Variants in CFAP54 observed in about 807,000 individuals in gnomAD.
The protein encoded by CFAP54 is cilia and flagella associated protein 54, also known as cilia- and flagella-associated protein 54.
Under a neutral mutation model 370.4 loss-of-function variants are expected in CFAP54, and 290 were observed. The ratio of observed to expected loss-of-function variants is 0.78; its 90% CI spans 0.71 to 0.86. CFAP54 has a LOEUF of 0.86. Ranked by LOEUF, CFAP54 falls within the 40% of genes least tolerant of loss-of-function variation. CFAP54 has a pLI of 0.00. For synonymous variants in CFAP54, 1,206 were observed against 1,236.5 expected (o/e 0.98, Z 0.52); for missense variants, 3,399 against 3,528.7 (o/e 0.96, Z 0.93).
At chr12:96,565,935 T>C (rs1435093365) in intron 19 of CFAP54, among the ~76,000 whole-genome samples, 2 of 152,168 alleles carry the variant, frequency 1.3e-5, no homozygotes, top group Admixed American at 6.6e-5. Context: ...GGGGGAGGTT[T>C]CCTCCATCCT....
At chr12:96,566,434 G>A (rs1393239529) in intron 19 of CFAP54, among the ~76,000 whole-genome samples, 2 of 152,146 alleles carry the variant, frequency 1.3e-5, no homozygotes, top group African/African-American at 2.4e-5. Flanking sequence ...TCCTGATGTG[G>A]TGTTCTTAAT....
At chr12:96,507,385 G>A (rs1032326268) in intron 4 of CFAP54, among the ~76,000 whole-genome samples, 4 of 151,954 alleles carry the variant, frequency 2.6e-5, no homozygotes, top group Admixed American at 2.6e-4. Flanking sequence ...GATGGAGAAG[G>A]GTCAAAGAAC....
chr12:96,545,784 T>C (rs1178526258), intron 14 of CFAP54, among the ~76,000 whole-genome samples: 1 of 152,178 alleles, frequency 6.6e-6, no homozygotes, highest in Non-Finnish European at 1.5e-5. Flanking sequence ...ATCCATCCAG[T>C]CATCAATTAT....
chr12:96,721,261 G>A (rs184134115), intron 50 of CFAP54, among the ~76,000 whole-genome samples: 2 of 152,200 alleles, frequency 1.3e-5, no homozygotes, highest in East Asian at 3.9e-4. Flanking sequence ...GTAAGTTTCT[G>A]CATCATATTG....
intron 50 of CFAP54, among the ~76,000 whole-genome samples, chr12:96,732,981 G>A (rs1182423936): frequency 3.9e-5 from 6 of 152,110 alleles, no homozygotes; most frequent in Non-Finnish European, 7.4e-5. Context: ...AAGGATATGA[G>A]TGGTTTTTAT....
intron 32 of CFAP54, among the ~76,000 whole-genome samples, chr12:96,642,496 C>T (rs191286013): frequency 6.6e-6 from 1 of 152,058 alleles, no homozygotes; most frequent in Non-Finnish European, 1.5e-5. Flanking sequence ...CTCTGTATCT[C>T]TCTATCTCTC....
In CFAP54 at chr12:96,569,221, A is replaced by G. The variant is rs137965621; in HGVS notation, c.2619+4456A>G. 2.9e-3 allele frequency among the ~76,000 whole-genome samples: 440 copies of G among 152,300 alleles called. 7 individuals are homozygous for G. Among genetic ancestry groups the G allele is most frequent in the Non-Finnish European group, 6.8e-4 (46 of 68,028 alleles). On this transcript the variant is annotated intron_variant, in intron 19 of 67. Transcript: ENST00000524981. ...TTGAGGATGCTGTTGTTTTCTGTAC[A>G]GCATCCATTTCCCCTTCCAAACTCA...
intron 26 of CFAP54, among the ~76,000 whole-genome samples, chr12:96,610,575 G>A (rs897652823): frequency 6.6e-5 from 10 of 152,298 alleles, no homozygotes; most frequent in Admixed American, 3.3e-4. Context: ...AGCGTGAGCC[G>A]AAGCAGGGTG....
chr12:96,698,441 G>C (rs981461068), intron 45 of CFAP54, among the ~76,000 whole-genome samples: 2 of 152,076 alleles, frequency 1.3e-5, no homozygotes, highest in African/African-American at 2.4e-5. Flanking sequence ...GCCTATCATT[G>C]TTAGACTAGA....
Position 96,644,184 on chromosome 12 carries a change from G to A in CFAP54, c.4323G>A (p.Arg1441=). 6.5e-7 allele frequency: 1 copy of A among 1,527,998 alleles called. No individual in the cohort carries two copies. Among genetic ancestry groups the A allele is most frequent in the Non-Finnish European group, 8.8e-7 (1 of 1,141,480 alleles). The allele number at this position is 1,527,998 out of a possible 1,614,324, so 94.7% of individuals were successfully genotyped here. A position where few individuals can be genotyped will look rare whatever the true frequency, so the allele number is the denominator to read the frequency against. ...CTTCTTTCTCCCTTGGCAGAAATAG[G>A]AGAACCAGTGTTAGGAAAGCAGCAC... ...ISEMVAHERN[R]RTSVRKAAQR... The change falls in exon 33 of 68, where the codon AGG becomes AGA. Residue 1441 remains arginine (R), a synonymous_variant. Coordinates refer to ENST00000524981, the MANE Select transcript of CFAP54 (RefSeq NM_001306084.2).
At chr12:96,723,289 T>G (rs369044685) in intron 50 of CFAP54, among the ~76,000 whole-genome samples, 1 of 152,022 alleles carries the variant, frequency 6.6e-6, no homozygotes, top group Non-Finnish European at 1.5e-5. Flanking sequence ...TATAAATAGA[T>G]GGAAGAGAGA....
intron 46 of CFAP54, among the ~76,000 whole-genome samples, chr12:96,703,134 G>A (rs952418663): frequency 5.3e-5 from 8 of 152,078 alleles, no homozygotes; most frequent in African/African-American, 1.9e-4. Context: ...GTGATATATC[G>A]TTTTGGGAGG....
intron 26 of CFAP54, among the ~76,000 whole-genome samples, chr12:96,610,785 C>G (rs998815629): frequency 2.0e-5 from 3 of 152,230 alleles, no homozygotes; most frequent in Admixed American, 1.3e-4. Context: ...GAGCCTCACT[C>G]ATTGCTAGCA....
In CFAP54 at chr12:96,756,655, G is replaced by A. The variant is rs373342312; in HGVS notation, c.7946+92G>A. On this transcript the variant is annotated intron_variant, in intron 57 of 67. Transcript: ENST00000524981. ...TGACCACTCAAGGCTGGATTGCTTGGGATGCCTTCTGAAAGCAGGGCTAGT... is the reference window on the plus strand; with the variant it reads ...TGACCACTCAAGGCTGGATTGCTTGAGATGCCTTCTGAAAGCAGGGCTAGT... 1.0e-4 allele frequency: 81 copies of A among 814,030 alleles called. No homozygotes were observed. The East Asian group carries it at 1.2e-3, about 12-fold the overall frequency. The allele number at this position is 814,030 out of a possible 1,614,324, so 50.4% of individuals were successfully genotyped here.
intron 67 of CFAP54, among the ~76,000 whole-genome samples, chr12:96,862,432 T>G (rs754012816): frequency 1.3e-5 from 2 of 152,096 alleles, no homozygotes; most frequent in Admixed American, 6.6e-5. Context: ...CAGGATTGAA[T>G]CAGTAGATAA....
chr12:96,772,947 A>G (rs1318163649), intron 60 of CFAP54, among the ~76,000 whole-genome samples: 2 of 152,094 alleles, frequency 1.3e-5, no homozygotes, highest in Non-Finnish European at 1.5e-5. Flanking sequence ...CCTGTAATCT[A>G]ACATATTCAC....
In CFAP54 at chr12:96,566,161, G is replaced by A. The variant is rs148807576; in HGVS notation, c.2619+1396G>A. Among the ~76,000 whole-genome samples, 908 of 152,248 alleles carry A rather than the reference G, an allele frequency of 6.0e-3. 6 individuals are homozygous for A. Among genetic ancestry groups the A allele is most frequent in the African/African-American group, 0.02 (842 of 41,528 alleles). ...TTCTTTATAAATTACCCAGTCTCGG[G>A]TATGTCTTTATTAGCAGTGTGAGAA... On this transcript the variant is annotated intron_variant, in intron 19 of 67. Transcript: ENST00000524981.
chr12:96,765,659 G>T (rs1015874970), intron 60 of CFAP54, among the ~76,000 whole-genome samples: 1 of 152,126 alleles, frequency 6.6e-6, no homozygotes, highest in Non-Finnish European at 1.5e-5. Context: ...ATTATCATCA[G>T]CTACCTGAGA....
rs1955467551 is a variant in CFAP54, at chr12:96,533,663, C to T, written c.1358-129C>T. The T allele has an allele frequency of 9.8e-6, 7 of 716,114 alleles. No homozygotes were observed. The South Asian group carries it at 1.4e-4, about 14-fold the overall frequency. The allele number at this position is 716,114 out of a possible 1,614,324, so 44.4% of individuals were successfully genotyped here. A position where few individuals can be genotyped will look rare whatever the true frequency, so the allele number is the denominator to read the frequency against. On this transcript the variant is annotated intron_variant, in intron 9 of 67. Transcript: ENST00000524981. ...TTGCCCACTAAGATTTCTTGTTTCC[C>T]CCACTAGAACGTAAATCTTATGAAA...
Sources: gnomAD v4.1 joint callset for allele counts (sites outside exome capture counted in the v4.1 genomes callset) on GRCh38, gnomAD v4.1.1 for gene constraint, MANE v1.5 for transcripts, NCBI Gene and HGNC (gene_info 2026-07-23, HGNC 2026-07-21) for gene names.